Variants in GMDS observed in about 807,000 individuals in gnomAD.
The protein encoded by GMDS is GDP-mannose 4,6 dehydratase.
In GMDS, 20 loss-of-function variants were observed where a neutral mutation model predicts 49.9. The ratio of observed to expected loss-of-function variants is 0.40; its 90% confidence interval spans 0.28 to 0.58. The LOEUF is 0.58. Ranked by LOEUF, GMDS falls within the 20% of genes least tolerant of loss-of-function variation. The pLI is 0.42. For missense variants in GMDS, 362 were observed against 481.4 expected, an observed-to-expected ratio of 0.75 and a Z score of 2.32; for synonymous variants, 177 against 178.6, an observed-to-expected ratio of 0.99 and a Z score of 0.07.
intron 1 of GMDS, among the ~76,000 whole-genome samples, chr6:2,207,710 T>C (rs1779865878): frequency 6.6e-6 from 1 of 151,922 alleles, no homozygotes; most frequent in Non-Finnish European, 1.5e-5. Context: ...AATTCGCCTA[T>C]TGTTACGTAA....
chr6:1,950,339 A>C (rs536948978), intron 6 of GMDS, among the ~76,000 whole-genome samples: 1 of 152,336 alleles, frequency 6.6e-6, no homozygotes, highest in Non-Finnish European at 1.5e-5. Flanking sequence ...CAGATCATGG[A>C]CTCTACAACT....
chr6:1,869,459 T>A (rs1758612164), intron 7 of GMDS, among the ~76,000 whole-genome samples: 1 of 152,162 alleles, frequency 6.6e-6, no homozygotes, highest in African/African-American at 2.4e-5. Context: ...GGGGTCATTC[T>A]TTCAACAGCA....
rs200882391 is a variant in GMDS, at chr6:2,124,641, C to G, written c.147+46G>C. On this transcript the variant is annotated intron_variant, in intron 2 of 10. Coordinates refer to ENST00000380815, the MANE Select transcript of GMDS (RefSeq NM_001500.4). Reference sequence around the variant, plus strand: ...AGAGGAAGCATGTGGCCGCTGCATGCGAGCAACCCCACCAGCCTGCGCCCG... The same window carrying G: ...AGAGGAAGCATGTGGCCGCTGCATGGGAGCAACCCCACCAGCCTGCGCCCG... 3,570 of 1,499,704 alleles carry G rather than the reference C, an allele frequency of 2.4e-3. 10 individuals carry two copies. The highest frequency in any genetic ancestry group is 3.2e-3 in the Non-Finnish European group (3,417 of 1,076,376). 92.9% of individuals were successfully genotyped at this position (1,499,704 alleles called of 1,614,324 possible).
At chr6:1,790,813 CT>C (rs1238270200) in intron 7 of GMDS, among the ~76,000 whole-genome samples, 16 of 152,338 alleles carry the variant, frequency 1.1e-4, no homozygotes, top group African/African-American at 3.6e-4. Flanking sequence ...CTGCTGCCTG[CT>C]TTACCTCTTG....
intron 4 of GMDS, among the ~76,000 whole-genome samples, chr6:2,031,902 A>G (rs867849995): frequency 2.0e-5 from 3 of 152,348 alleles, no homozygotes; most frequent in Middle Eastern, 6.8e-3. Flanking sequence ...ATAGTTTTAA[A>G]AGTTTGAAAA....
intron 4 of GMDS, among the ~76,000 whole-genome samples, chr6:2,108,512 T>C (rs1041840293): frequency 1.3e-5 from 2 of 152,198 alleles, no homozygotes; most frequent in Non-Finnish European, 2.9e-5. Flanking sequence ...TGTGCTAACA[T>C]TGCACCTGGC....
chr6:1,956,187 T>G (rs1763627808), intron 6 of GMDS, among the ~76,000 whole-genome samples: 2 of 152,196 alleles, frequency 1.3e-5, no homozygotes, highest in African/African-American at 2.4e-5. Context: ...TGAGGATCTG[T>G]CTACAGCTGG....
At chr6:1,681,742 T>C (rs1386406311) in intron 9 of GMDS, among the ~76,000 whole-genome samples, 9 of 152,250 alleles carry the variant, frequency 5.9e-5, no homozygotes. Flanking sequence ...GCACTAAGGC[T>C]GGAGTGCAGT....
intron 8 of GMDS, among the ~76,000 whole-genome samples, chr6:1,740,469 A>C (rs1288580782): frequency 6.6e-6 from 1 of 152,080 alleles, no homozygotes; most frequent in Non-Finnish European, 1.5e-5. Flanking sequence ...AGGCAGGAGA[A>C]TCACTGGAAC....
intron 4 of GMDS, among the ~76,000 whole-genome samples, chr6:1,975,459 A>T (rs1028412176): frequency 6.6e-6 from 1 of 152,212 alleles, no homozygotes; most frequent in African/African-American, 2.4e-5. Flanking sequence ...CACTATAATC[A>T]GGAAACTTCG....
In GMDS at chr6:1,967,574, T is replaced by A. The variant is rs56955166; in HGVS notation, c.346-6608A>T. On this transcript the variant is annotated intron_variant, in intron 4 of 10. Coordinates refer to ENST00000380815, the MANE Select transcript of GMDS (RefSeq NM_001500.4). ...ATAACAATAACAATAGTTTTCACAGTTACGCTATATAAAGAGTCAGAACTC... is the reference window on the plus strand; with the variant it reads ...ATAACAATAACAATAGTTTTCACAGATACGCTATATAAAGAGTCAGAACTC... 8.8e-3 allele frequency among the ~76,000 whole-genome samples: 1,335 copies of A among 152,274 alleles called. 15 individuals are homozygous for A. The highest frequency in any genetic ancestry group is 0.031 in the African/African-American group (1,270 of 41,548).
intron 9 of GMDS, among the ~76,000 whole-genome samples, chr6:1,650,878 C>A (rs543212595): frequency 6.6e-6 from 1 of 152,296 alleles, no homozygotes; most frequent in African/African-American, 2.4e-5. Flanking sequence ...CTGTGCCCAG[C>A]CAATTTTCTA....
At chr6:1,910,975 TA>T (rs1761022881) in intron 7 of GMDS, among the ~76,000 whole-genome samples, 1 of 152,172 alleles carries the variant, frequency 6.6e-6, no homozygotes, top group Admixed American at 6.6e-5. Flanking sequence ...AATGTACCAC[TA>T]AAAAGTTCAC....
chr6:1,705,885 G>A (rs1223166540), intron 9 of GMDS, among the ~76,000 whole-genome samples: 2 of 152,186 alleles, frequency 1.3e-5, no homozygotes, highest in Non-Finnish European at 2.9e-5. Context: ...AGCAATCTGG[G>A]GCTAGACCCA....
chr6:2,191,677 C>A lies in GMDS; in HGVS notation c.102+53644G>T, dbSNP rs1051142006. On this transcript the variant is annotated intron_variant, in intron 1 of 10. Coordinates refer to ENST00000380815, the MANE Select transcript of GMDS (RefSeq NM_001500.4). The surrounding 1 kb of genome is among the most constrained non-coding windows in gnomAD (Gnocchi z 4.6). ...GTATGTGAGGGTCCTGCCACCTCAG[C>A]TCCCTCCAGACTCTGTGTGCTGACA... Among the ~76,000 whole-genome samples the A allele has an allele frequency of 6.6e-6, 1 of 152,224 alleles. No individual in the cohort carries two copies. The highest frequency in any genetic ancestry group is 2.1e-4 in the South Asian group (1 of 4,830).
Position 2,245,345 on chromosome 6 carries a change from C to T in GMDS, c.78G>A (p.Ala26=). The change falls in exon 1 of 11, where the codon GCG becomes GCA. Residue 26 remains alanine (A), a synonymous_variant. Coordinates refer to ENST00000380815, the MANE Select transcript of GMDS (RefSeq NM_001500.4). ...CCTGGCCTGTGATACCGGTGATGAG[C>T]GCCACGTTCCTGGGCTTGCCCATCT... ...DGEMGKPRNV[A]LITGITGQDG... 6.4e-7 allele frequency: 1 copy of T among 1,552,440 alleles called. No homozygotes were observed. The highest frequency in any genetic ancestry group is 1.2e-5 in the South Asian group (1 of 85,352).
chr6:2,044,870 A>G (rs913498727), intron 4 of GMDS, among the ~76,000 whole-genome samples: 1 of 147,922 alleles, frequency 6.8e-6, no homozygotes, highest in Non-Finnish European at 1.5e-5. Flanking sequence ...TCAATCTATA[A>G]TTTTTTCTTT....
chr6:1,963,298 C>T (rs1199804674), intron 4 of GMDS, among the ~76,000 whole-genome samples: 1 of 152,174 alleles, frequency 6.6e-6, no homozygotes, highest in Non-Finnish European at 1.5e-5. Flanking sequence ...GATTCTCCTA[C>T]CTCAGCCTCT....
intron 4 of GMDS, among the ~76,000 whole-genome samples, chr6:1,987,877 T>A (rs1765658065): frequency 6.6e-6 from 1 of 152,050 alleles, no homozygotes. Flanking sequence ...AGTCTGTGAG[T>A]CAGGGACTAC....
Sources: allele counts gnomAD v4.1 joint callset (sites outside exome capture counted in the v4.1 genomes callset), GRCh38; gene constraint gnomAD v4.1.1; non-coding constraint Gnocchi (gnomAD v3.1); transcripts MANE v1.5; gene names NCBI Gene and HGNC (gene_info 2026-07-23, HGNC 2026-07-21).